The following DNAH11 variants were observed in gnomAD, a reference collection of about 807,000 sequenced individuals.
DNAH11 encodes the protein axonemal beta dynein heavy chain 11.
In DNAH11, 442 loss-of-function variants were observed where a neutral mutation model predicts 526.0. The ratio of observed to expected loss-of-function variants is 0.84; its 90% CI spans 0.78 to 0.91. The LOEUF is 0.91. Among genes scored for constraint, DNAH11 ranks in the 40% least tolerant of loss-of-function variants. DNAH11 has a pLI of 0.00. For missense variants in DNAH11, 6,989 were observed against 5,448.7 expected, an observed-to-expected ratio of 1.28 and a Z score of -8.90; for synonymous variants, 2,461 against 1,935.9, an observed-to-expected ratio of 1.27 and a Z score of -7.12.
chr7:21,745,259 T>A (rs543207679), intron 51 of DNAH11, among the ~76,000 whole-genome samples, 196 bp downstream of exon 51: 1 of 152,344 alleles, frequency 6.6e-6, no homozygotes, highest in African/African-American at 2.4e-5. Flanking sequence ...GCACACTGTT[T>A]TCCGAGATGC....
At chr7:21,617,942 C>T (rs1023671527) in intron 23 of DNAH11, among the ~76,000 whole-genome samples, 165 bp downstream of exon 23, 1 of 152,164 alleles carries the variant, frequency 6.6e-6, no homozygotes, top group Admixed American at 6.5e-5. Flanking sequence ...TCGCCTGATC[C>T]GACCAACAAT....
chr7:21,576,857 G>A (rs1784114553), intron 8 of DNAH11, among the ~76,000 whole-genome samples: 1 of 152,108 alleles, frequency 6.6e-6, no homozygotes, highest in Non-Finnish European at 1.5e-5. Context: ...ACTTACTTTG[G>A]GGTAGTGGTT....
At chr7:21,841,606 G>GT (rs376782303) in intron 65 of DNAH11, among the ~76,000 whole-genome samples, 4 of 152,176 alleles carry the variant, frequency 2.6e-5, no homozygotes, top group African/African-American at 9.6e-5. Flanking sequence ...GTGAGTGAGT[G>GT]TGGGGGTGTG....
chr7:21,896,692 G>T (rs1562609851), intron 79 of DNAH11, among the ~76,000 whole-genome samples: 1 of 152,258 alleles, frequency 6.6e-6, no homozygotes, highest in South Asian at 2.1e-4. Context: ...TCTTTCGGCT[G>T]TATACTTGTA....
chr7:21,601,322 A>T, intron 17 of DNAH11, 74 bp from the exon 18 acceptor site: 1 of 1,468,884 alleles, frequency 6.8e-7, no homozygotes, highest in South Asian at 1.3e-5. Flanking sequence ...ATAAGATTCA[A>T]TCAGAAGTCT....
chr7:21,657,377 G>A (rs1425535616), intron 29 of DNAH11, among the ~76,000 whole-genome samples: 1 of 152,118 alleles, frequency 6.6e-6, no homozygotes, highest in Non-Finnish European at 1.5e-5. Flanking sequence ...AGCAATTGTT[G>A]TTATAGGGGG....
intron 45 of DNAH11, among the ~76,000 whole-genome samples, chr7:21,728,204 A>C (rs1785215784): frequency 1.3e-5 from 2 of 149,800 alleles, no homozygotes; most frequent in African/African-American, 4.9e-5. Context: ...TTAACATACA[A>C]AATACATTCA....
In DNAH11 at chr7:21,591,425, C is replaced by G. The variant is rs1427132712; in HGVS notation, c.2515C>G (p.Gln839Glu). ...RTQKNVKVIQ[Q>E]TMRGWARCVL... Reference sequence around the variant, plus strand: ...ACAGAAAAACGTGAAGGTGATCCAGCAGACCATGAGGGGCTGGGCCAGGTG... The same window carrying G: ...ACAGAAAAACGTGAAGGTGATCCAGGAGACCATGAGGGGCTGGGCCAGGTG... The change falls in exon 14 of 82, where the codon CAG becomes GAG. Residue 839 changes from glutamine to glutamate, a missense_variant. Gln to Glu is a conservative substitution (Grantham distance 29). Coordinates refer to ENST00000409508, the MANE Select transcript of DNAH11 (RefSeq NM_001277115.2). 4.3e-6 allele frequency: 7 copies of G among 1,613,844 alleles called. No homozygotes were observed. Among genetic ancestry groups the G allele is most frequent in the Non-Finnish European group, 5.1e-6 (6 of 1,179,888 alleles).
intron 17 of DNAH11, 37 bp downstream of exon 17, chr7:21,601,216 C>G (rs1785071438): frequency 6.4e-7 from 1 of 1,563,722 alleles, no homozygotes. Context: ...TTATAACTTT[C>G]TAAACTGCTT....
intron 47 of DNAH11, 86 bp downstream of exon 47, chr7:21,738,952 ATAAT>A (rs1785745876): frequency 2.5e-6 from 3 of 1,185,514 alleles, no homozygotes; most frequent in South Asian, 3.9e-5. Context: ...ATTATTATGA[ATAAT>A]TATTATGGAT....
In DNAH11 at chr7:21,690,671, C is replaced by T. The variant is rs115572687; in HGVS notation, c.5925-94C>T. ...AAAATTACACAGAATAAACAGCTTC[C>T]TAATAATTTGCATTTTGCAGTGGTT... On this transcript the variant is annotated intron_variant, in intron 34 of 81. Coordinates refer to ENST00000409508, the MANE Select transcript of DNAH11 (RefSeq NM_001277115.2). 1.6e-3 allele frequency: 1,388 copies of T among 868,702 alleles called. 13 individuals are homozygous for T. In the African/African-American group the frequency reaches 0.021, roughly 13 times the overall value. The allele number at this position is 868,702 out of a possible 1,614,324, so 53.8% of individuals were successfully genotyped here.
At chr7:21,857,521 C>T (rs1357093900) in intron 68 of DNAH11, among the ~76,000 whole-genome samples, 2 of 125,042 alleles carry the variant, frequency 1.6e-5, no homozygotes, top group African/African-American at 2.7e-5. Flanking sequence ...AATAGCTAAA[C>T]AATTTTGAAA....
intron 9 of DNAH11, among the ~76,000 whole-genome samples, chr7:21,582,863 A>G (rs1784362855): frequency 6.6e-6 from 1 of 152,204 alleles, no homozygotes; most frequent in Non-Finnish European, 1.5e-5. Flanking sequence ...GATTTTTAAA[A>G]GATATTGTTT....
At chr7:21,562,489 T>A (rs904137583) in intron 5 of DNAH11, among the ~76,000 whole-genome samples, 1 of 152,162 alleles carries the variant, frequency 6.6e-6, no homozygotes, top group African/African-American at 2.4e-5. Context: ...AAATTTTCTC[T>A]GGCTACAGAT....
intron 69 of DNAH11, 135 bp downstream of exon 69, chr7:21,862,158 G>T: frequency 1.1e-6 from 1 of 920,650 alleles, no homozygotes; most frequent in Non-Finnish European, 1.5e-6. Context: ...GTGGCATGAG[G>T]GGAATTTGCT....
Position 21,630,114 on chromosome 7 carries a change from A to G in DNAH11, c.4501-5757A>G, listed in dbSNP as rs563803179. 3.3e-5 allele frequency among the ~76,000 whole-genome samples: 5 copies of G among 152,202 alleles called. No individual in the cohort carries two copies. In the South Asian group the frequency reaches 1.0e-3, roughly 32 times the overall value. On this transcript the variant is annotated intron_variant, in intron 25 of 81. Coordinates refer to ENST00000409508, the MANE Select transcript of DNAH11 (RefSeq NM_001277115.2). ...GCATTGTGGTTACCATGAGTCGTAG[A>G]AAAACTATACCAAGTTATTTTAAAG...
chr7:21,794,781 C>T (rs1388079277), intron 61 of DNAH11, among the ~76,000 whole-genome samples: 1 of 151,996 alleles, frequency 6.6e-6, no homozygotes, highest in African/African-American at 2.4e-5. Context: ...GGAATACTTC[C>T]TCTGGGTTAC....
chr7:21,627,654 A>G (rs750546060), intron 25 of DNAH11, among the ~76,000 whole-genome samples: 5 of 152,190 alleles, frequency 3.3e-5, no homozygotes, highest in African/African-American at 4.8e-5. Flanking sequence ...TTATTATGCC[A>G]GTACTATGCT....
chr7:21,823,399 C>T (rs1475725696), intron 65 of DNAH11, among the ~76,000 whole-genome samples: 1 of 151,996 alleles, frequency 6.6e-6, no homozygotes, highest in Admixed American at 6.6e-5. Context: ...ACAGATAATC[C>T]CCCCTCCTGT....
Sources: gnomAD v4.1 joint callset for allele counts (sites outside exome capture counted in the v4.1 genomes callset) on GRCh38, gnomAD v4.1.1 for gene constraint, MANE v1.5 for transcripts, NCBI Gene and HGNC (gene_info 2026-07-23, HGNC 2026-07-21) for gene names.